The following RPGRIP1 variants were observed in gnomAD, a reference collection of about 807,000 sequenced individuals.
RPGRIP1 encodes the protein RPGR interacting protein 1, also known as X-linked retinitis pigmentosa GTPase regulator-interacting protein 1.
Under a neutral mutation model 157.9 loss-of-function variants are expected in RPGRIP1, and 128 were observed. The observed-to-expected ratio is 0.81, with a 90% CI of 0.70 to 0.94. The LOEUF is 0.94. Among genes scored for constraint, RPGRIP1 ranks in the 40% least tolerant of loss-of-function variants. RPGRIP1 has a pLI of 0.00. For synonymous variants in RPGRIP1, 554 were observed against 571.6 expected, an observed-to-expected ratio of 0.97 and a Z score of 0.44; for missense variants, 1,486 against 1,545.8, an observed-to-expected ratio of 0.96 and a Z score of 0.65.
chr14:21,301,315 CCTT>C (rs1303903211), intron 4 of RPGRIP1, 78 bp downstream of exon 4: 5 of 1,416,850 alleles, frequency 3.5e-6, no homozygotes, highest in Non-Finnish European at 4.8e-6. Flanking sequence ...TTCCTCACTG[CCTT>C]CTTCTGCCCA....
In RPGRIP1 at chr14:21,303,435, C is replaced by A. The variant is rs1476095586; in HGVS notation, c.692C>A (p.Thr231Asn). 6.2e-7 allele frequency: 1 copy of A among 1,613,596 alleles called. No homozygotes were observed. The highest frequency in any genetic ancestry group is 8.5e-7 in the Non-Finnish European group (1 of 1,179,784). ...PNSAHIMASN[T>N]MQVEEPPKSP... Reference sequence around the variant, plus strand: ...AGTGCCCACATCATGGCCAGCAATACCATGCAAGTGGAAGAGCCACCCAAG... The same window carrying A: ...AGTGCCCACATCATGGCCAGCAATAACATGCAAGTGGAAGAGCCACCCAAG... The change falls in exon 6 of 25, where the codon ACC (threonine) becomes AAC (asparagine). Residue 231 changes from threonine (T) to asparagine (N), a missense_variant. Thr to Asn is a moderately conservative substitution (Grantham distance 65). Transcript: ENST00000400017.
chr14:21,317,430 G>T, intron 10 of RPGRIP1: 1 of 708,440 alleles, frequency 1.4e-6, no homozygotes, highest in South Asian at 2.3e-5. Context: ...TGGTGGAGAA[G>T]TTCCTTGGGA....
chr14:21,324,927 T>C lies in RPGRIP1; in HGVS notation c.2072T>C (p.Leu691Ser). 1 of 1,614,044 alleles carries C rather than the reference T, an allele frequency of 6.2e-7. No individual in the cohort carries two copies. Among genetic ancestry groups the C allele is most frequent in the Non-Finnish European group, 8.5e-7 (1 of 1,179,900 alleles). The change falls in exon 15 of 25, where the codon TTA becomes TCA. Residue 691 changes from leucine to serine, a missense_variant. Coordinates refer to ENST00000400017, the MANE Select transcript of RPGRIP1 (RefSeq NM_020366.4). ...GTGATGGAGACAGATTCGCTTTTCTTACACTACCTTCAAGAGGCTTCAGCC... is the reference window on the plus strand; with the variant it reads ...GTGATGGAGACAGATTCGCTTTTCTCACACTACCTTCAAGAGGCTTCAGCC... ...QYVMETDSLF[L>S]HYLQEASARL... is the part of the protein sequence containing the mutation.
intron 21 of RPGRIP1, among the ~76,000 whole-genome samples, chr14:21,337,757 T>TG (rs1424760645): frequency 8.7e-6 from 1 of 115,138 alleles, no homozygotes; most frequent in East Asian, 2.0e-4. Context: ...TTAAGCATTT[T>TG]TTTTTTTTTT....
Position 21,330,364 on chromosome 14 carries a change from A to G in RPGRIP1, c.3215A>G (p.Lys1072Arg). The change falls in exon 20 of 25, where the codon AAG (lysine) becomes AGG (arginine). Residue 1072 changes from lysine to arginine, a missense_variant. Physicochemically the swap from Lys to Arg is conservative, Grantham distance 26. Transcript: ENST00000400017. ...MTLSHSALKQ[K>R]EPLHPVNDKE... ...TTATCCCATTCAGCACTGAAACAGAAGGAACCTCTACATCCTGTAAATGGT... is the reference window on the plus strand; with the variant it reads ...TTATCCCATTCAGCACTGAAACAGAGGGAACCTCTACATCCTGTAAATGGT... The G allele has an allele frequency of 6.4e-7, 1 of 1,557,234 alleles. No homozygotes were observed. Among genetic ancestry groups the G allele is most frequent in the Non-Finnish European group, 8.6e-7 (1 of 1,158,364 alleles).
rs1885754140 is a variant in RPGRIP1 at position 21,348,159 on chromosome 14, A to AAT, written c.3618-12_3618-11dup. 4.5e-6 allele frequency: 7 copies of AAT among 1,558,962 alleles called. No individual in the cohort carries two copies. The highest frequency in any genetic ancestry group is 6.1e-6 in the Non-Finnish European group (7 of 1,153,906). ...GTATCAACAGTGCTGAATTAAATGC[A>AAT]ATTTCTTTTTAGTTTAAAGTTTACA... On this transcript the variant is annotated splice_polypyrimidine_tract_variant and intron_variant, in intron 23 of 24. Transcript: ENST00000400017.
At chr14:21,308,196 A>G (rs571229238) in intron 7 of RPGRIP1, among the ~76,000 whole-genome samples, 1 of 152,348 alleles carries the variant, frequency 6.6e-6, no homozygotes, top group South Asian at 2.1e-4. Flanking sequence ...CTAGCCTTTT[A>G]ATTAGCACTT....
Position 21,301,072 on chromosome 14 carries a change from T to C in RPGRIP1, c.325T>C (p.Trp109Arg), listed in dbSNP as rs946644212. 6.2e-7 allele frequency: 1 copy of C among 1,612,552 alleles called. No homozygotes were observed. Among genetic ancestry groups the C allele is most frequent in the African/African-American group, 1.3e-5 (1 of 74,900 alleles). The change falls in exon 4 of 25, where the codon TGG becomes CGG. Residue 109 changes from tryptophan (W) to arginine (R), a missense_variant. Trp to Arg is a moderately radical substitution (Grantham distance 101, BLOSUM62 -3). Transcript: ENST00000400017. ...ETARRGQKAG[W>R]RQRLSMHQRP... Reference sequence around the variant, plus strand: ...CGCAAGGCGCGGGCAGAAGGCGGGATGGCGGCAGCGCCTCTCCATGCACCA... The same window carrying C: ...CGCAAGGCGCGGGCAGAAGGCGGGACGGCGGCAGCGCCTCTCCATGCACCA...
intron 20 of RPGRIP1, 86 bp downstream of exon 20, chr14:21,330,473 C>T (rs1052861343): frequency 3.1e-6 from 3 of 972,806 alleles, no homozygotes; most frequent in Non-Finnish European, 4.1e-6. Flanking sequence ...TCAAGAGCAG[C>T]CTGGCCAACA....
Position 21,326,044 on chromosome 14 carries a change from C to A in RPGRIP1, c.2581C>A (p.Leu861Met), listed in dbSNP as rs1217460770. Reference protein sequence around the residue: ...ARFPVLVTSDLDHYLRREALS... With the variant: ...ARFPVLVTSDMDHYLRREALS... ...ATTCCCAGTGCTTGTGACCTCTGAC[C>A]TGGACCATTATCTGAGACGGGAGGC... Residue 861 changes from leucine (L) to methionine (M), a missense_variant, in exon 17 of 25, where the codon CTG becomes ATG. Physicochemically the swap from Leu to Met is conservative, Grantham distance 15. Transcript: ENST00000400017. 1 of 1,613,988 alleles carries A rather than the reference C, an allele frequency of 6.2e-7. No homozygotes were observed. Among genetic ancestry groups the A allele is most frequent in the African/African-American group, 1.3e-5 (1 of 75,050 alleles).
In RPGRIP1 at chr14:21,288,058, A is replaced by C. The variant is rs774530575; in HGVS notation, c.82A>C (p.Lys28Gln). ...TATACCTCTGGTGCTACCAGCCTCA[A>C]AAGGTAACTTCTACGCCTGAGGATG... ...DAIPLVLPAS[K>Q]GKNMKTQPPL... The change falls in exon 2 of 25, where the codon AAA becomes CAA. Residue 28 changes from lysine to glutamine, a missense_variant. Lys to Gln is a moderately conservative substitution (Grantham distance 53). Coordinates refer to ENST00000400017, the MANE Select transcript of RPGRIP1 (RefSeq NM_020366.4). 1.3e-5 allele frequency: 21 copies of C among 1,607,734 alleles called. No individual in the cohort carries two copies. The highest frequency in any genetic ancestry group is 1.8e-5 in the Non-Finnish European group (21 of 1,174,268).
At chr14:21,340,511 C>T (rs1470058552) in intron 21 of RPGRIP1, among the ~76,000 whole-genome samples, 1 of 152,114 alleles carries the variant, frequency 6.6e-6, no homozygotes, top group Non-Finnish European at 1.5e-5. Context: ...AAAAATTAGT[C>T]GGGCATGGTG....
intron 2 of RPGRIP1, among the ~76,000 whole-genome samples, 157 bp from the exon 3 acceptor site, chr14:21,294,520 G>A (rs535700092): frequency 2.6e-5 from 4 of 152,216 alleles, no homozygotes; most frequent in Non-Finnish European, 4.4e-5. Context: ...GAGCCACTGC[G>A]CCTGGCCCAG....
chr14:21,290,003 C>G (rs1174716031), intron 2 of RPGRIP1, among the ~76,000 whole-genome samples: 1 of 151,982 alleles, frequency 6.6e-6, no homozygotes, highest in Admixed American at 6.6e-5. Flanking sequence ...ATTACAGGCA[C>G]CTGCCACCAC....
At chr14:21,289,318 A>G (rs546423827) in intron 2 of RPGRIP1, among the ~76,000 whole-genome samples, 2 of 151,434 alleles carry the variant, frequency 1.3e-5, no homozygotes, top group Non-Finnish European at 2.9e-5. Context: ...ACAGAGCGAG[A>G]CTCCATACCA....
chr14:21,330,293 C>T lies in RPGRIP1; in HGVS notation c.3144C>T (p.Phe1048=). ...GGAAGTTCTCAGAGACTAACAGCTT[C>T]ATAGGTGATGGCTTTAAAAATCAGC... ...TEWKFSETNS[F]IGDGFKNQHE... Residue 1048 remains phenylalanine, a synonymous_variant, in exon 20 of 25, where the codon TTC becomes TTT. Transcript: ENST00000400017. 2 of 1,581,274 alleles carry T rather than the reference C, an allele frequency of 1.3e-6. No individual in the cohort carries two copies. Among genetic ancestry groups the T allele is most frequent in the Non-Finnish European group, 8.6e-7 (1 of 1,166,658 alleles).
chr14:21,283,212 T>G (rs1880192951), intron 1 of RPGRIP1, among the ~76,000 whole-genome samples: 1 of 152,202 alleles, frequency 6.6e-6, no homozygotes, highest in South Asian at 2.1e-4. Context: ...TGCAGTCACC[T>G]TTCCTTTTCC....
In RPGRIP1 at chr14:21,324,886, C is replaced by T. The variant is rs753756999; in HGVS notation, c.2031C>T (p.Asp677=). 6.2e-7 allele frequency: 1 copy of T among 1,614,070 alleles called. No homozygotes were observed. The highest frequency in any genetic ancestry group is 1.1e-5 in the South Asian group (1 of 91,082). Residue 677 remains aspartate (D), a synonymous_variant, in exon 15 of 25, where the codon GAC becomes GAT. Transcript: ENST00000400017. ...PLSVGPQPLY[D]FTSQYVMETD... ...CTGTGGGGCCACAGCCCCTCTATGA[C>T]TTCACCTCCCAGTATGTGATGGAGA...
At chr14:21,336,549 C>T (rs966010328) in intron 21 of RPGRIP1, among the ~76,000 whole-genome samples, 1 of 152,064 alleles carries the variant, frequency 6.6e-6, no homozygotes, top group African/African-American at 2.4e-5. Context: ...ACAACAGCAA[C>T]GACAAAACCA....
Sources: allele counts gnomAD v4.1 joint callset (sites outside exome capture counted in the v4.1 genomes callset), GRCh38; gene constraint gnomAD v4.1.1; transcripts MANE v1.5; gene names NCBI Gene and HGNC (gene_info 2026-07-23, HGNC 2026-07-21).